Variants in ARAP2 observed in about 807,000 individuals in gnomAD.
ARAP2 encodes ArfGAP with RhoGAP domain, ankyrin repeat and PH domain 2.
In ARAP2, 148 loss-of-function variants were observed where a neutral mutation model predicts 194.5. The observed-to-expected ratio is 0.76, with a 90% confidence interval of 0.67 to 0.87. The LOEUF is 0.87. ARAP2 is among the 40% of genes least tolerant of loss of function. The pLI is 0.00. For missense variants in ARAP2, 2,128 were observed against 1,989.7 expected, an observed-to-expected ratio of 1.07 and a Z score of -1.32; for synonymous variants, 695 against 683.5, an observed-to-expected ratio of 1.02 and a Z score of -0.26.
At position 36,217,515 on chromosome 4, in the gene ARAP2, C is replaced by T. The variant is rs768901346; in HGVS notation, c.906-3035G>A. Among the ~76,000 whole-genome samples the T allele has an allele frequency of 9.8e-4, 148 of 151,436 alleles. 1 individual carries two copies. The highest frequency in any genetic ancestry group is 2.9e-3 in the African/African-American group (119 of 41,278). ...CAGCCTGGGTGACAGAGGGAGACAG[C>T]GTCTCAAAAATAAATAAATAAATAA... On this transcript the variant is annotated intron_variant, in intron 2 of 32. Transcript: ENST00000303965.
At chr4:36,090,287 C>T (rs1713225468) in intron 28 of ARAP2, among the ~76,000 whole-genome samples, 1 of 152,038 alleles carries the variant, frequency 6.6e-6, no homozygotes, top group Admixed American at 6.6e-5. Flanking sequence ...CACAAAAATC[C>T]CAGGAATCGG....
chr4:36,188,806 T>C (rs1741180533), intron 7 of ARAP2, among the ~76,000 whole-genome samples: 1 of 152,178 alleles, frequency 6.6e-6, no homozygotes, highest in Admixed American at 6.5e-5. Context: ...ACTGAGTTTA[T>C]ATTTCTCCTA....
chr4:36,147,310 C>G lies in ARAP2; in HGVS notation c.3249G>C (p.Leu1083Phe). The change falls in exon 19 of 33, where the codon TTG becomes TTC. Residue 1083 changes from leucine (L) to phenylalanine (F), a missense_variant. Transcript: ENST00000303965. ...AAGGCACTTACCTCCCTTTTTCTAC[C>G]AAGAGTAAAACATCCAGTTTTTCCC... The part of the protein sequence containing the change: ...QNGEKLDVLL[L>F]VEKGRTLYIH... The G allele has an allele frequency of 6.2e-7, 1 of 1,612,642 alleles. No homozygotes were observed. Among genetic ancestry groups the G allele is most frequent in the Non-Finnish European group, 8.5e-7 (1 of 1,179,016 alleles).
intron 10 of ARAP2, chr4:36,006,300 G>C (rs995684673): frequency 6.6e-6 from 1 of 152,194 alleles, no homozygotes; most frequent in East Asian, 1.9e-4. Context: ...TCACTGTCTT[G>C]ATTTTTAAGA....
rs568086850 is a variant in ARAP2 at position 36,088,050 on chromosome 4, C to T, written c.4425+3831G>A. Among the ~76,000 whole-genome samples, 28 of 152,192 alleles carry T rather than the reference C, an allele frequency of 1.8e-4. 1 individual carries two copies. Among genetic ancestry groups the T allele is most frequent in the African/African-American group, 6.3e-4 (26 of 41,558 alleles). ...AACTCTGCTTCGCATAGAGTACCCA[C>T]TTGAATGTTAGTTGCTGCTATTATT... On this transcript the variant is annotated intron_variant, in intron 28 of 32. Coordinates refer to ENST00000303965, the MANE Select transcript of ARAP2 (RefSeq NM_015230.4).
intron 5 of ARAP2, among the ~76,000 whole-genome samples, chr4:36,041,483 C>A (rs1465213918): frequency 6.6e-6 from 1 of 152,098 alleles, no homozygotes; most frequent in Non-Finnish European, 1.5e-5. Context: ...CAATGAGATA[C>A]CATCTCACAC....
intron 9 of ARAP2, among the ~76,000 whole-genome samples, chr4:36,010,498 G>A (rs1165513189): frequency 6.6e-6 from 1 of 151,984 alleles, no homozygotes; most frequent in Non-Finnish European, 1.5e-5. Context: ...CCCAGTCCAA[G>A]TTTTACCTCC....
chr4:36,147,349 T>C lies in ARAP2; in HGVS notation c.3210A>G (p.Thr1070=). Reference sequence around the variant, plus strand: ...CCAGTTTTTCCCCATTTTGAACCATTGTGCTGATTGCTGAAGGGAGAATGA... The same window carrying C: ...CCAGTTTTTCCCCATTTTGAACCATCGTGCTGATTGCTGAAGGGAGAATGA... ...LRRLQELTIS[T]MVQNGEKLDV... The change falls in exon 19 of 33, where the codon ACA becomes ACG. Residue 1070 remains threonine, a synonymous_variant. Transcript: ENST00000303965. 1 of 1,613,044 alleles carries C rather than the reference T, an allele frequency of 6.2e-7. No homozygotes were observed. Among genetic ancestry groups the C allele is most frequent in the Non-Finnish European group, 8.5e-7 (1 of 1,179,296 alleles).
chr4:36,108,040 A>ATTC (rs1226927055), intron 26 of ARAP2, among the ~76,000 whole-genome samples: 1 of 151,704 alleles, frequency 6.6e-6, no homozygotes, highest in Non-Finnish European at 1.5e-5. Flanking sequence ...TATTATTATT[A>ATTC]TTATTATTTT....
chr4:36,108,770 C>T (rs1215359907), intron 26 of ARAP2, among the ~76,000 whole-genome samples: 1 of 151,920 alleles, frequency 6.6e-6, no homozygotes, highest in African/African-American at 2.4e-5. Context: ...AATGTAGCAA[C>T]AGAAACATAT....
In ARAP2 at chr4:36,112,847, TG is replaced by T. The variant is rs572815688; in HGVS notation, c.4156+1322del. Among the ~76,000 whole-genome samples the T allele has an allele frequency of 6.6e-5, 10 of 151,758 alleles. No individual in the cohort carries two copies. In the East Asian group the frequency reaches 1.8e-3, roughly 27 times the overall value. ...AAAAGAGGTAAGAGTGTGAGCCAGA[TG>T]GAGGAAGAACAAAGGTATATTTGGG... On this transcript the variant is annotated intron_variant, in intron 26 of 32. Coordinates refer to ENST00000303965, the MANE Select transcript of ARAP2 (RefSeq NM_015230.4).
chr4:36,064,800 G>A (rs906491597), downstream of ARAP2, among the ~76,000 whole-genome samples: 33 of 152,166 alleles, frequency 2.2e-4, no homozygotes, highest in African/African-American at 7.5e-4. Flanking sequence ...CCCACCTCTT[G>A]GGTCACTGCC....
chr4:36,117,155 G>A lies in ARAP2; in HGVS notation c.3964-20C>T. 3 of 1,535,080 alleles carry A rather than the reference G, an allele frequency of 2.0e-6. No individual in the cohort carries two copies. The highest frequency in any genetic ancestry group is 2.7e-6 in the Non-Finnish European group (3 of 1,129,554). The stretch of plus-strand genomic sequence containing the variant: ...GGAAACCTAGAAAAGGGCAGAGGTA[G>A]AAACAACACAGATAAACATATTGTA... On this transcript the variant is annotated intron_variant, in intron 24 of 32. Coordinates refer to ENST00000303965, the MANE Select transcript of ARAP2 (RefSeq NM_015230.4).
At chr4:36,137,646 T>A (rs1023439862) in intron 19 of ARAP2, among the ~76,000 whole-genome samples, 1 of 151,738 alleles carries the variant, frequency 6.6e-6, no homozygotes, top group Admixed American at 6.6e-5. Flanking sequence ...CTGCCAAGTT[T>A]TTTTTTCCAT....
intron 16 of ARAP2, 127 bp downstream of exon 16, chr4:36,150,773 C>T (rs1730780850): frequency 1.9e-6 from 2 of 1,041,466 alleles, no homozygotes; most frequent in Admixed American, 2.7e-5. Flanking sequence ...GATAAGTAAG[C>T]TTCAAAAACC....
intron 7 of ARAP2, among the ~76,000 whole-genome samples, chr4:36,193,066 G>A (rs756700461): frequency 6.6e-6 from 1 of 152,178 alleles, no homozygotes; most frequent in South Asian, 2.1e-4. Flanking sequence ...TCCAAGAGAT[G>A]TGTTTATACC....
At chr4:36,163,042 G>T (rs1281604982) in intron 11 of ARAP2, among the ~76,000 whole-genome samples, 1 of 152,148 alleles carries the variant, frequency 6.6e-6, no homozygotes, top group Non-Finnish European at 1.5e-5. Context: ...TACATTTGAG[G>T]TGTATTTGGC....
intron 3 of ARAP2, among the ~76,000 whole-genome samples, chr4:36,050,628 CT>C (rs1722509630): frequency 6.6e-6 from 1 of 152,086 alleles, no homozygotes; most frequent in African/African-American, 2.4e-5. Flanking sequence ...TATTTTCTCC[CT>C]TGTACTTTTT....
chr4:36,109,796 T>A (rs1236602694), intron 26 of ARAP2, among the ~76,000 whole-genome samples: 1 of 151,818 alleles, frequency 6.6e-6, no homozygotes, highest in African/African-American at 2.4e-5. Context: ...ATGTGCCATG[T>A]TGGTGTGCTG....
Sources: allele counts gnomAD v4.1 joint callset (sites outside exome capture counted in the v4.1 genomes callset), GRCh38; gene constraint gnomAD v4.1.1; transcripts MANE v1.5; gene names NCBI Gene and HGNC (gene_info 2026-07-23, HGNC 2026-07-21).